KCNC2: variants seen among roughly 807,000 people sequenced by gnomAD.
KCNC2 encodes voltage-gated potassium channel KCNC2.
KCNC2 carries 21 observed loss-of-function variants against 44.5 expected under a neutral mutation model. That is an observed-to-expected ratio of 0.47 (90% CI 0.33 to 0.68). The LOEUF is 0.68. Among genes scored for constraint, KCNC2 ranks in the 30% least tolerant of loss-of-function variants. The probability of loss-of-function intolerance (pLI) is 0.01; values close to 1 mark genes in which losing one functional copy is unlikely to be tolerated. For synonymous variants in KCNC2, 391 were observed against 339.1 expected, an observed-to-expected ratio of 1.15 and a Z score of -1.68; for missense variants, 589 against 826.2, an observed-to-expected ratio of 0.71 and a Z score of 3.52.
At chr12:75,065,259 G>T (rs1044413926) in intron 2 of KCNC2, among the ~76,000 whole-genome samples, 7 of 152,014 alleles carry the variant, frequency 4.6e-5, no homozygotes, top group African/African-American at 1.7e-4. Context: ...TCACATAGTG[G>T]AGACTCAAAC....
rs139457818 is a variant in KCNC2 at position 75,087,732 on chromosome 12, T to C, written c.688-36415A>G. On this transcript the variant is annotated intron_variant, in intron 2 of 4. Coordinates refer to ENST00000549446, the MANE Select transcript of KCNC2 (RefSeq NM_139137.4). ...CTGTAGAGCCTGAAAATGCAAAGCATAGGCACAGGCTGGAGAGGCCAGGCC... is the reference window on the plus strand; with the variant it reads ...CTGTAGAGCCTGAAAATGCAAAGCACAGGCACAGGCTGGAGAGGCCAGGCC... Among the ~76,000 whole-genome samples the C allele has an allele frequency of 8.0e-4, 121 of 152,148 alleles. 2 individuals are homozygous for C. The East Asian group carries it at 0.022, about 27-fold the overall frequency.
Position 75,041,082 on chromosome 12 carries a change from T to C in KCNC2, c.*2023A>G. The C allele has an allele frequency of 1.3e-6, 2 of 1,592,816 alleles. No individual in the cohort carries two copies. The highest frequency in any genetic ancestry group is 1.7e-6 in the Non-Finnish European group (2 of 1,175,378). On this transcript the variant is annotated 3_prime_UTR_variant, in exon 5 of 5. Transcript: ENST00000549446. The stretch of plus-strand genomic sequence containing the variant: ...TGAAGACGCGAGGATCTCTTCCAAG[T>C]GCAACCTGGTCACATCAGGGCACAT...
intron 2 of KCNC2, among the ~76,000 whole-genome samples, chr12:75,169,484 A>G (rs1891669790): frequency 6.6e-6 from 1 of 151,644 alleles, no homozygotes; most frequent in Non-Finnish European, 1.5e-5. Flanking sequence ...AAAGAGATAT[A>G]GGAAGATGGT....
intron 2 of KCNC2, among the ~76,000 whole-genome samples, chr12:75,176,537 C>A (rs1458995174): frequency 6.6e-6 from 1 of 151,980 alleles, no homozygotes; most frequent in East Asian, 1.9e-4. Context: ...AGCCAAATGG[C>A]CTCACAGTTC....
At chr12:75,106,314 T>G (rs953420801) in intron 2 of KCNC2, among the ~76,000 whole-genome samples, 1 of 152,132 alleles carries the variant, frequency 6.6e-6, no homozygotes, top group Non-Finnish European at 1.5e-5. Context: ...AGAGGAAATA[T>G]GGACAGCTCT....
Position 75,042,973 on chromosome 12 carries a change from T to C in KCNC2, c.*132A>G, listed in dbSNP as rs141757846. 2.1e-6 allele frequency: 3 copies of C among 1,419,684 alleles called. No homozygotes were observed. The South Asian group carries it at 5.0e-5, about 24-fold the overall frequency. The allele number at this position is 1,419,684 out of a possible 1,614,324, so 87.9% of individuals were successfully genotyped here. A position where few individuals can be genotyped will look rare whatever the true frequency, so the allele number is the denominator to read the frequency against. On this transcript the variant is annotated 3_prime_UTR_variant, in exon 5 of 5. Coordinates refer to ENST00000549446, the MANE Select transcript of KCNC2 (RefSeq NM_139137.4). ...CCAAGTGGCATTTCTGACTTCAAAT[T>C]GTAGTATCATGCAAGATTTATACTG...
chr12:75,144,018 A>G (rs1889841446), intron 2 of KCNC2, among the ~76,000 whole-genome samples: 1 of 152,196 alleles, frequency 6.6e-6, no homozygotes, highest in African/African-American at 2.4e-5. Flanking sequence ...AAACATCACC[A>G]TTCATGGTGA....
chr12:75,123,581 A>G (rs551527677), intron 2 of KCNC2, among the ~76,000 whole-genome samples: 1 of 152,252 alleles, frequency 6.6e-6, no homozygotes, highest in East Asian at 1.9e-4. Context: ...CCTTTTTCCT[A>G]GGGAACATCC....
At chr12:75,043,709 G>C in intron 4 of KCNC2, 2 of 1,402,960 alleles carry the variant, frequency 1.4e-6, no homozygotes, top group Non-Finnish European at 1.9e-6. Context: ...TCTTTTTCCA[G>C]CATATTTAAT....
chr12:75,057,865 T>C (rs1881912431), intron 2 of KCNC2, among the ~76,000 whole-genome samples: 1 of 151,884 alleles, frequency 6.6e-6, no homozygotes, highest in African/African-American at 2.4e-5. Context: ...TCTTCTACCA[T>C]GTTTTCTTTA....
intron 2 of KCNC2, among the ~76,000 whole-genome samples, chr12:75,087,745 G>C (rs1427342922): frequency 1.3e-5 from 2 of 152,056 alleles, no homozygotes; most frequent in Admixed American, 6.6e-5. Flanking sequence ...GCACAGGCTG[G>C]AGAGGCCAGG....
At chr12:75,117,452 T>C (rs1428199796) in intron 2 of KCNC2, among the ~76,000 whole-genome samples, 1 of 152,214 alleles carries the variant, frequency 6.6e-6, no homozygotes, top group Non-Finnish European at 1.5e-5. Context: ...GTTAGTCTCA[T>C]GGGTAGTCTC....
intron 2 of KCNC2, chr12:75,140,195 T>C (rs1889539189): frequency 6.6e-6 from 1 of 152,120 alleles, no homozygotes; most frequent in East Asian, 1.9e-4. Flanking sequence ...TCACATAGCT[T>C]CTCCAGCCTA....
In KCNC2 at chr12:75,042,163, A is replaced by T; in HGVS notation, c.*942T>A. 1 of 1,283,892 alleles carries T rather than the reference A, an allele frequency of 7.8e-7. No individual in the cohort carries two copies. The highest frequency in any genetic ancestry group is 9.9e-7 in the Non-Finnish European group (1 of 1,009,838). 79.5% of individuals were successfully genotyped at this position (1,283,892 alleles called of 1,614,324 possible). On this transcript the variant is annotated 3_prime_UTR_variant, in exon 5 of 5. Coordinates refer to ENST00000549446, the MANE Select transcript of KCNC2 (RefSeq NM_139137.4). ...AAAAAAGACACAAGAGCTTTGGGTG[A>T]TATTTGGCACTCTGCCTCTGAAAAT...
intron 2 of KCNC2, among the ~76,000 whole-genome samples, chr12:75,111,982 A>G (rs990454853): frequency 4.8e-5 from 7 of 146,088 alleles, no homozygotes; most frequent in African/African-American, 1.8e-4. Context: ...AATAAAATTC[A>G]ATAGGAAAAA....
At chr12:75,086,706 A>G (rs551747628) in intron 2 of KCNC2, among the ~76,000 whole-genome samples, 6 of 148,260 alleles carry the variant, frequency 4.0e-5, no homozygotes, top group African/African-American at 1.5e-4. Context: ...ATATACACAC[A>G]CATATTTATC....
intron 4 of KCNC2, among the ~76,000 whole-genome samples, chr12:75,045,657 A>G (rs1264762731): frequency 6.6e-6 from 1 of 151,958 alleles, no homozygotes; most frequent in Non-Finnish European, 1.5e-5. Context: ...TCTTAAGAGC[A>G]TGAGCTTATT....
Position 75,042,921 on chromosome 12 carries a change from A to G in KCNC2, c.*184T>C, listed in dbSNP as rs1305123844. 4 of 1,397,730 alleles carry G rather than the reference A, an allele frequency of 2.9e-6. No homozygotes were observed. The highest frequency in any genetic ancestry group is 3.7e-6 in the Non-Finnish European group (4 of 1,078,528). 86.6% of individuals were successfully genotyped at this position (1,397,730 alleles called of 1,614,324 possible). On this transcript the variant is annotated 3_prime_UTR_variant, in exon 5 of 5. Coordinates refer to ENST00000549446, the MANE Select transcript of KCNC2 (RefSeq NM_139137.4). Reference sequence around the variant, plus strand: ...CTTAGCACTACTTTAGACAATCTTTAAAGCCTGGGTAAGATTCATTAGCTA... The same window carrying G: ...CTTAGCACTACTTTAGACAATCTTTGAAGCCTGGGTAAGATTCATTAGCTA...
intron 2 of KCNC2, among the ~76,000 whole-genome samples, chr12:75,103,409 G>T (rs1886529287): frequency 1.3e-5 from 2 of 152,166 alleles, no homozygotes; most frequent in Non-Finnish European, 2.9e-5. Flanking sequence ...AGATACAGAA[G>T]CAAGGGCAAT....
Sources: allele counts gnomAD v4.1 joint callset (sites outside exome capture counted in the v4.1 genomes callset), GRCh38; gene constraint gnomAD v4.1.1; transcripts MANE v1.5; gene names NCBI Gene and HGNC (gene_info 2026-07-23, HGNC 2026-07-21).